Variants in FAM186A observed in about 807,000 individuals in gnomAD.
FAM186A encodes family with sequence similarity 186 member A.
FAM186A carries 163 observed loss-of-function variants against 216.8 expected under a neutral mutation model. That is an observed-to-expected ratio of 0.75 (90% confidence interval 0.66 to 0.86). FAM186A has a LOEUF of 0.86. FAM186A is among the 40% of genes least tolerant of loss of function. The pLI is 0.00. For missense variants in FAM186A, 2,184 were observed against 2,746.2 expected (o/e 0.80, Z 4.58); for synonymous variants, 805 against 1,025.3 (o/e 0.79, Z 4.10).
At chr12:50,341,767 G>A (rs933057104) in intron 4 of FAM186A, among the ~76,000 whole-genome samples, 2 of 151,980 alleles carry the variant, frequency 1.3e-5, no homozygotes, top group Non-Finnish European at 2.9e-5. Flanking sequence ...CCCAGGAGGC[G>A]GAGGTTGCAA....
intron 1 of FAM186A, among the ~76,000 whole-genome samples, chr12:50,373,452 A>T (rs2136102179): frequency 6.6e-6 from 1 of 152,306 alleles, no homozygotes; most frequent in East Asian, 1.9e-4. Context: ...TTTTCCAAAA[A>T]GTTGAAGAGG....
At chr12:50,373,018 A>AGAAAGAAG (rs1943160163) in intron 1 of FAM186A, among the ~76,000 whole-genome samples, 1 of 136,752 alleles carries the variant, frequency 7.3e-6, no homozygotes, top group Admixed American at 7.7e-5. Context: ...AAAGAAAGAA[A>AGAAAGAAG]GAAAGAAAGA....
intron 1 of FAM186A, among the ~76,000 whole-genome samples, chr12:50,367,516 CAAAA>C (rs35171998): frequency 4.5e-5 from 4 of 89,692 alleles, no homozygotes; most frequent in Non-Finnish European, 4.4e-5. Flanking sequence ...GACTCTGTCT[CAAAA>C]AAAAAAAAAA....
At chr12:50,378,042 A>G (rs917806747) in intron 1 of FAM186A, among the ~76,000 whole-genome samples, 1 of 151,930 alleles carries the variant, frequency 6.6e-6, no homozygotes, top group Non-Finnish European at 1.5e-5. Flanking sequence ...GCTGACCAAC[A>G]TGGAAAAACC....
rs144037069 is a variant in FAM186A, at chr12:50,373,240, T to G, written c.193-9876A>C. ...AGTGAAACCCCGTCTCTACTGAAAA[T>G]GCAAAAATTAGCCGGGTGTGGTGGC... On this transcript the variant is annotated intron_variant, in intron 1 of 7. Coordinates refer to ENST00000327337, the MANE Select transcript of FAM186A (RefSeq NM_001145475.3). Among the ~76,000 whole-genome samples the G allele has an allele frequency of 5.7e-3, 859 of 151,664 alleles. 6 individuals are homozygous for G. Among genetic ancestry groups the G allele is most frequent in the African/African-American group, 0.02 (838 of 41,336 alleles).
chr12:50,349,731 C>T (rs190243248), intron 4 of FAM186A, among the ~76,000 whole-genome samples: 9 of 152,234 alleles, frequency 5.9e-5, no homozygotes, highest in African/African-American at 2.2e-4. Flanking sequence ...CTTATTGCAA[C>T]TTCCACCTCC....
At chr12:50,336,284 A>G (rs1942707616) in intron 4 of FAM186A, among the ~76,000 whole-genome samples, 1 of 152,100 alleles carries the variant, frequency 6.6e-6, no homozygotes, top group South Asian at 2.1e-4. Context: ...GAGTTTTGCC[A>G]TCCTCATTCT....
chr12:50,353,818 G>T lies in FAM186A; in HGVS notation c.3014C>A (p.Thr1005Asn), dbSNP rs910324637. ...PKELEKMVIQ[T>N]PMTLSPRWKS... ...CCACCTGGGAGATAATGTCATTGGA[G>T]TTTGGATGACCATTTTTTCTAGCTC... The change falls in exon 4 of 8, where the codon ACT (threonine) becomes AAT (asparagine). Residue 1005 changes from threonine (T) to asparagine (N), a missense_variant. By Grantham distance (65) the Thr-to-Asn change is moderately conservative (BLOSUM62 0). Transcript: ENST00000327337. 6.4e-7 allele frequency: 1 copy of T among 1,551,526 alleles called. No homozygotes were observed. The highest frequency in any genetic ancestry group is 1.4e-5 in the African/African-American group (1 of 73,014).
chr12:50,365,895 A>C, intron 1 of FAM186A: 1 of 762,956 alleles, frequency 1.3e-6, no homozygotes, highest in Non-Finnish European at 2.4e-6. Context: ...TATTATCTAC[A>C]TTGAACGGGT....
At position 50,355,222 on chromosome 12, in the gene FAM186A, C is replaced by A. The variant is rs549946877; in HGVS notation, c.1610G>T (p.Ser537Ile). 2 of 1,551,650 alleles carry A rather than the reference C, an allele frequency of 1.3e-6. No individual in the cohort carries two copies. The highest frequency in any genetic ancestry group is 1.7e-4 in the Middle Eastern group (1 of 5,992). Residue 537 changes from serine to isoleucine, a missense_variant, in exon 4 of 8, where the codon AGT becomes ATT. Ser to Ile is a moderately radical substitution (Grantham distance 142). Around this residue, in one of 7 missense-constraint regions of FAM186A, gnomAD observed 1,132 missense variants for 1,263.4 expected, o/e 0.90. Transcript: ENST00000327337. Reference protein sequence around the residue: ...LTETKSQGGKSGTSMMMLEQF... With the variant: ...LTETKSQGGKIGTSMMMLEQF... ...CTCCAACATCATCATACTTGTTCCA[C>A]TTTTGCCACCTTGGCTCTTTGTTTC...
In FAM186A at chr12:50,346,201, A is replaced by AAGAGAGAGAGAG. The variant is rs71083536; in HGVS notation, c.6503+4116_6503+4127dup. On this transcript the variant is annotated intron_variant, in intron 4 of 7. Transcript: ENST00000327337. ...AAAGAAGAAAGGAAAGAAAGAAAGA[A>AAGAGAGAGAGAG]AGAGAGAGAGAGAGAGAAGGAAAGA... Among the ~76,000 whole-genome samples the AAGAGAGAGAGAG allele has an allele frequency of 2.8e-3, 215 of 76,648 alleles. 4 individuals carry two copies. Among genetic ancestry groups the AAGAGAGAGAGAG allele is most frequent in the African/African-American group, 4.2e-3 (98 of 23,154 alleles). The allele number at this position is 76,648 out of a possible 152,430, so 50.3% of individuals were successfully genotyped here. A position where few individuals can be genotyped will look rare whatever the true frequency, so the allele number is the denominator to read the frequency against.
chr12:50,381,836 G>A (rs988662786), intron 1 of FAM186A, among the ~76,000 whole-genome samples: 1 of 152,022 alleles, frequency 6.6e-6, no homozygotes, highest in African/African-American at 2.4e-5. Context: ...GCTTGTACCT[G>A]TAAGTCCCAG....
chr12:50,353,448 C>T lies in FAM186A; in HGVS notation c.3384G>A (p.Ala1128=), dbSNP rs977457889. 3.5e-6 allele frequency: 5 copies of T among 1,421,986 alleles called. No individual in the cohort carries two copies. Among genetic ancestry groups the T allele is most frequent in the African/African-American group, 3.4e-5 (2 of 58,400 alleles). The allele number at this position is 1,421,986 out of a possible 1,614,324, so 88.1% of individuals were successfully genotyped here. ...ALEILFTPQQ[A]QALGIPLTPQ... ...GGGTGAGAGGGATCCCCAGGGCCTG[C>T]GCCTGCTGAGGGGTGAAAAGGATCT... The change falls in exon 4 of 8, where the codon GCG becomes GCA. Residue 1128 remains alanine, a synonymous_variant. Transcript: ENST00000327337.
chr12:50,377,963 G>A (rs1167839771), intron 1 of FAM186A, among the ~76,000 whole-genome samples: 1 of 151,820 alleles, frequency 6.6e-6, no homozygotes, highest in Non-Finnish European at 1.5e-5. Flanking sequence ...GGTGGCTCAT[G>A]CCTGCTCATC....
Position 50,355,808 on chromosome 12 carries a change from C to T in FAM186A, c.1024G>A (p.Ala342Thr). 1 of 1,551,602 alleles carries T rather than the reference C, an allele frequency of 6.4e-7. No homozygotes were observed. The stretch of plus-strand genomic sequence containing the variant: ...AAGGTTGATGATGTGGACAATTTTG[C>T]ATATAGTTGTTCTATAACAATTTTG... ...RSKIVIEQLYAKLSTSSTLKV... is the reference protein window; with the variant it reads ...RSKIVIEQLYTKLSTSSTLKV... The change falls in exon 4 of 8, where the codon GCA (alanine) becomes ACA (threonine). Residue 342 changes from alanine to threonine, a missense_variant. By Grantham distance (58) the Ala-to-Thr change is moderately conservative. Transcript: ENST00000327337.
At chr12:50,382,891 T>C (rs956117065) in intron 1 of FAM186A, among the ~76,000 whole-genome samples, 1 of 152,096 alleles carries the variant, frequency 6.6e-6, no homozygotes, top group African/African-American at 2.4e-5. Flanking sequence ...TAACATCTCT[T>C]TGATCCCTTT....
chr12:50,380,275 G>A (rs1313192711), intron 1 of FAM186A, among the ~76,000 whole-genome samples: 1 of 152,088 alleles, frequency 6.6e-6, no homozygotes, highest in Non-Finnish European at 1.5e-5. Context: ...GTACATAAAT[G>A]CAGTGCTACT....
At chr12:50,329,837 C>G (rs1942639492) in intron 7 of FAM186A, among the ~76,000 whole-genome samples, 2 of 152,138 alleles carry the variant, frequency 1.3e-5, no homozygotes, top group Non-Finnish European at 2.9e-5. Context: ...CTCAGGCGAT[C>G]CACCCGCCTC....
At chr12:50,376,744 CTCTT>C (rs1488840178) in intron 1 of FAM186A, among the ~76,000 whole-genome samples, 2 of 28,910 alleles carry the variant, frequency 6.9e-5, no homozygotes, top group Non-Finnish European at 1.7e-4. Flanking sequence ...CTCTCTCTCT[CTCTT>C]TTTTTTTTTT....
Sources: gnomAD v4.1 joint callset for allele counts (sites outside exome capture counted in the v4.1 genomes callset) on GRCh38, gnomAD v4.1.1 for gene constraint, gnomAD v4.1.1 regional missense constraint, MANE v1.5 for transcripts, NCBI Gene and HGNC (gene_info 2026-07-23, HGNC 2026-07-21) for gene names.